Variants in ZYG11A observed in about 807,000 individuals in gnomAD.
The protein encoded by ZYG11A is zyg-11 family member A, cell cycle regulator.
ZYG11A carries 62 observed loss-of-function variants against 77.2 expected under a neutral mutation model. That is an observed-to-expected ratio of 0.80 (90% CI 0.65 to 0.99). The LOEUF (loss-of-function observed/expected upper bound fraction) is 0.99. ZYG11A is among the 50% of genes least tolerant of loss of function. The probability of loss-of-function intolerance (pLI) is 0.00; values close to 1 mark genes in which losing one functional copy is unlikely to be tolerated. For missense variants in ZYG11A, 828 were observed against 896.8 expected, an observed-to-expected ratio of 0.92 and a Z score of 0.98; for synonymous variants, 315 against 324.6, an observed-to-expected ratio of 0.97 and a Z score of 0.32.
At chr1:52,862,228 A>G (rs1165462311) in intron 4 of ZYG11A, among the ~76,000 whole-genome samples, 1 of 151,304 alleles carries the variant, frequency 6.6e-6, no homozygotes, top group East Asian at 2.0e-4. Flanking sequence ...AAAAAAAGTT[A>G]GGTGGGCATG....
chr1:52,878,793 G>A (rs1416224282), intron 10 of ZYG11A, among the ~76,000 whole-genome samples: 2 of 151,836 alleles, frequency 1.3e-5, no homozygotes, highest in African/African-American at 4.8e-5. Context: ...ACAAAAATTA[G>A]CTGGGCATGG....
intron 1 of ZYG11A, among the ~76,000 whole-genome samples, chr1:52,849,954 G>A (rs1262479164): frequency 1.3e-5 from 2 of 152,196 alleles, no homozygotes; most frequent in African/African-American, 2.4e-5. Context: ...AAAGTGCTGG[G>A]ATTACAGGCG....
chr1:52,843,714 G>A (rs190866661), intron 1 of ZYG11A, among the ~76,000 whole-genome samples: 1 of 144,932 alleles, frequency 6.9e-6, no homozygotes, highest in East Asian at 2.0e-4. Context: ...TTGAGACGGA[G>A]TCTCGCTCTG....
chr1:52,877,962 G>T lies in ZYG11A; in HGVS notation c.1742G>T (p.Gly581Val). The change falls in exon 10 of 14, where the codon GGT (glycine) becomes GTT (valine). Residue 581 changes from glycine to valine, a missense_variant. Coordinates refer to ENST00000371528, the MANE Select transcript of ZYG11A (RefSeq NM_001004339.3). ...TCAGCAATACAAAGCAAAGTACTTG[G>T]TCTTTTGGTAAGGTGAATTGTTTTG... ...SESAIQSKVLGLLNNIAEVRE... is the reference protein window; with the variant it reads ...SESAIQSKVLVLLNNIAEVRE... The T allele has an allele frequency of 6.4e-7, 1 of 1,551,442 alleles. No homozygotes were observed. Among genetic ancestry groups the T allele is most frequent in the South Asian group, 1.2e-5 (1 of 84,058 alleles).
rs551240791 is a variant in ZYG11A at position 52,867,374 on chromosome 1, G to T, written c.1392-165G>T. Among the ~76,000 whole-genome samples the T allele has an allele frequency of 9.7e-4, 148 of 152,222 alleles. 1 individual carries two copies. Among genetic ancestry groups the T allele is most frequent in the African/African-American group, 3.4e-3 (140 of 41,518 alleles). ...TTATTTGCATACTCTCCTATCCCCT[G>T]CCTGGTCTTCTCTCTGCCAAATGCT... is the stretch of plus-strand genomic sequence containing the variant. On this transcript the variant is annotated intron_variant, in intron 6 of 13. Transcript: ENST00000371528.
intron 2 of ZYG11A, among the ~76,000 whole-genome samples, chr1:52,854,964 A>G (rs1331272012): frequency 3.3e-5 from 5 of 151,570 alleles, no homozygotes; most frequent in Non-Finnish European, 2.9e-5. Flanking sequence ...GCCTGGGTTT[A>G]AGCGATTCTC....
intron 13 of ZYG11A, among the ~76,000 whole-genome samples, chr1:52,889,537 C>G (rs1224627271): frequency 6.6e-6 from 1 of 151,890 alleles, no homozygotes; most frequent in Non-Finnish European, 1.5e-5. Context: ...CTTGCATCAG[C>G]CTCCCAAAGT....
At chr1:52,859,133 C>G (rs1271689050) in intron 3 of ZYG11A, among the ~76,000 whole-genome samples, 2 of 152,060 alleles carry the variant, frequency 1.3e-5, no homozygotes, top group Admixed American at 1.3e-4. Context: ...GTGGCACAAT[C>G]TTGGCTCACT....
At chr1:52,846,726 A>T (rs1246825466) in intron 1 of ZYG11A, among the ~76,000 whole-genome samples, 1 of 152,040 alleles carries the variant, frequency 6.6e-6, no homozygotes, top group Non-Finnish European at 1.5e-5. Flanking sequence ...TATTTTAAAG[A>T]TTGCTAAGAT....
intron 4 of ZYG11A, among the ~76,000 whole-genome samples, chr1:52,862,473 A>G (rs1645948308): frequency 6.6e-6 from 1 of 151,254 alleles, no homozygotes; most frequent in South Asian, 2.1e-4. Context: ...CACCACGCCC[A>G]GCTACTTTTT....
Position 52,893,087 on chromosome 1 carries a change from A to G in ZYG11A, c.*130A>G, listed in dbSNP as rs925878868. 1.4e-5 allele frequency: 11 copies of G among 811,562 alleles called. No homozygotes were observed. The highest frequency in any genetic ancestry group is 1.9e-5 in the Non-Finnish European group (10 of 530,064). 50.3% of individuals were successfully genotyped at this position (811,562 alleles called of 1,614,324 possible). A position where few individuals can be genotyped will look rare whatever the true frequency, so the allele number is the denominator to read the frequency against. ...ATTGGCCTTTGATTGTTGATTTTAT[A>G]TATGTTACAAAAGGTTGGATTTGTA... On this transcript the variant is annotated 3_prime_UTR_variant, in exon 14 of 14. Transcript: ENST00000371528.
In ZYG11A at chr1:52,877,568, G is replaced by T. The variant is rs530641685; in HGVS notation, c.1543-114G>T. On this transcript the variant is annotated intron_variant, in intron 8 of 13. Transcript: ENST00000371528. ...AAAATAGATCACACAGCTACTAAGTGGCAGAACTTGGGTTTAGAACCGAGG... is the reference window on the plus strand; with the variant it reads ...AAAATAGATCACACAGCTACTAAGTTGCAGAACTTGGGTTTAGAACCGAGG... 5 of 742,102 alleles carry T rather than the reference G, an allele frequency of 6.7e-6. No homozygotes were observed. In the South Asian group the frequency reaches 8.6e-5, roughly 13 times the overall value. 46.0% of individuals were successfully genotyped at this position (742,102 alleles called of 1,614,324 possible).
chr1:52,849,666 C>G (rs538137673), intron 1 of ZYG11A, among the ~76,000 whole-genome samples: 1 of 146,618 alleles, frequency 6.8e-6, no homozygotes, highest in South Asian at 2.2e-4. Flanking sequence ...CTGTGCTGGC[C>G]TAGAGTTTCA....
At chr1:52,866,976 T>C (rs914824161) in intron 6 of ZYG11A, among the ~76,000 whole-genome samples, 1 of 152,226 alleles carries the variant, frequency 6.6e-6, no homozygotes, top group African/African-American at 2.4e-5. Flanking sequence ...TATTAGTAAT[T>C]TACTTTTTAA....
intron 5 of ZYG11A, among the ~76,000 whole-genome samples, chr1:52,865,741 A>G (rs879226747): frequency 2.0e-5 from 3 of 152,146 alleles, no homozygotes; most frequent in Admixed American, 2.0e-4. Context: ...CCATTTGCAT[A>G]ACACCTTAAA....
chr1:52,892,309 T>C (rs1285131185), intron 13 of ZYG11A, among the ~76,000 whole-genome samples: 3 of 146,620 alleles, frequency 2.0e-5, no homozygotes, highest in Admixed American at 2.0e-4. Flanking sequence ...GGGCGGATCA[T>C]GAGGTCAGGA....
At chr1:52,850,800 A>G (rs1167025177) in intron 1 of ZYG11A, among the ~76,000 whole-genome samples, 2 of 151,558 alleles carry the variant, frequency 1.3e-5, no homozygotes, top group East Asian at 3.9e-4. Context: ...TCTTTTTCAT[A>G]TCTTCTGTTT....
At chr1:52,857,830 G>A in intron 3 of ZYG11A, 81 bp downstream of exon 3, 1 of 1,219,990 alleles carries the variant, frequency 8.2e-7, no homozygotes, top group Middle Eastern at 2.0e-4. Context: ...CTTTTTACTA[G>A]GTATTAGGGT....
intron 12 of ZYG11A, 35 bp downstream of exon 12, chr1:52,885,929 T>G: frequency 1.4e-6 from 2 of 1,456,996 alleles, no homozygotes; most frequent in Non-Finnish European, 1.8e-6. Context: ...CTTCTTTTTT[T>G]TTTCTTCTTT....
Sources: gnomAD v4.1 joint callset for allele counts (sites outside exome capture counted in the v4.1 genomes callset) on GRCh38, gnomAD v4.1.1 for gene constraint, MANE v1.5 for transcripts, NCBI Gene and HGNC (gene_info 2026-07-23, HGNC 2026-07-21) for gene names.